AGAP3: variants seen among roughly 807,000 people sequenced by gnomAD.
AGAP3 encodes the protein ArfGAP with GTPase domain, ankyrin repeat and PH domain 3.
A neutral mutation model predicts 96.9 loss-of-function variants in AGAP3; 24 were observed. That is an observed-to-expected ratio of 0.25 (90% CI 0.18 to 0.35). The LOEUF (loss-of-function observed/expected upper bound fraction) is 0.35. AGAP3 is among the 10% of genes least tolerant of loss of function. The probability of loss-of-function intolerance (pLI) is 1.00; values close to 1 mark genes in which losing one functional copy is unlikely to be tolerated. For missense variants in AGAP3, 876 were observed against 1,254.2 expected, an observed-to-expected ratio of 0.70 and a Z score of 4.55; for synonymous variants, 563 against 536.1, an observed-to-expected ratio of 1.05 and a Z score of -0.69.
At chr7:151,137,175 C>T (rs1047642899) in intron 11 of AGAP3, among the ~76,000 whole-genome samples, 2 of 152,252 alleles carry the variant, frequency 1.3e-5, no homozygotes, top group South Asian at 2.1e-4. Flanking sequence ...CCCTCAGTCC[C>T]GCCGCCTGCA....
At position 151,096,023 on chromosome 7, in the gene AGAP3, C is replaced by T. The variant is rs984196835; in HGVS notation, c.331+8951C>T. 6.6e-6 allele frequency among the ~76,000 whole-genome samples: 1 copy of T among 152,202 alleles called. No individual in the cohort carries two copies. The highest frequency in any genetic ancestry group is 1.5e-5 in the Non-Finnish European group (1 of 68,044). On this transcript the variant is annotated intron_variant, in intron 1 of 17. Coordinates refer to ENST00000397238, the MANE Select transcript of AGAP3 (RefSeq NM_031946.7). The surrounding 1 kb of genome is among the most constrained non-coding windows in gnomAD (Gnocchi z 4.4). Reference sequence around the variant, plus strand: ...TGACCTCGGGTGAGTTCCTTAACCCCTCTGTGTCTTAGCTTCGCCATTGGT... The same window carrying T: ...TGACCTCGGGTGAGTTCCTTAACCCTTCTGTGTCTTAGCTTCGCCATTGGT...
Position 151,117,548 on chromosome 7 carries a change from G to A in AGAP3, c.565-88G>A, listed in dbSNP as rs1283941020. The stretch of plus-strand genomic sequence containing the variant: ...GGGACTGGGAGAGGTGGTATGTCCA[G>A]GGAGAAGGGTCTACTTGAGTTCACC... On this transcript the variant is annotated intron_variant, in intron 4 of 17. Coordinates refer to ENST00000397238, the MANE Select transcript of AGAP3 (RefSeq NM_031946.7). 7.4e-6 allele frequency: 12 copies of A among 1,612,328 alleles called. No individual in the cohort carries two copies. In the African/African-American group the frequency reaches 8.0e-5, roughly 11 times the overall value.
chr7:151,122,634 G>A, intron 8 of AGAP3: 3 of 1,504,176 alleles, frequency 2.0e-6, no homozygotes, highest in Non-Finnish European at 2.7e-6. Flanking sequence ...CGCTCCCCAG[G>A]CGCCTGGGTC....
intron 8 of AGAP3, 144 bp downstream of exon 8, chr7:151,120,289 C>A (rs1799815928): frequency 1.1e-6 from 1 of 915,242 alleles, no homozygotes; most frequent in Admixed American, 2.6e-5. Context: ...CACACGGCTC[C>A]CGAGGGTCCT....
At position 151,143,023 on chromosome 7, in the gene AGAP3, G is replaced by A. The variant is rs1353739276; in HGVS notation, c.2274-318G>A. 2.0e-5 allele frequency among the ~76,000 whole-genome samples: 3 copies of A among 152,092 alleles called. No homozygotes were observed. The highest frequency in any genetic ancestry group is 6.5e-5 in the Admixed American group (1 of 15,276). On this transcript the variant is annotated intron_variant, in intron 16 of 17. Coordinates refer to ENST00000397238, the MANE Select transcript of AGAP3 (RefSeq NM_031946.7). The surrounding 1 kb of genome is among the most constrained non-coding windows in gnomAD (Gnocchi z 5.9). ...ACTGCCAATCCAAGAGAGTTCAGAC[G>A]GCCAGATAAGCTGCAACACGGGCCT...
chr7:151,129,221 C>T (rs772924613), intron 10 of AGAP3, among the ~76,000 whole-genome samples: 22 of 152,060 alleles, frequency 1.4e-4, no homozygotes, highest in Non-Finnish European at 2.8e-4. Flanking sequence ...CTTTCCTCCC[C>T]TCCCCTCACC....
rs532257220 is a variant in AGAP3 at position 151,108,562 on chromosome 7, G to A, written c.332-8231G>A. 2.0e-5 allele frequency among the ~76,000 whole-genome samples: 3 copies of A among 152,336 alleles called. No individual in the cohort carries two copies. Among genetic ancestry groups the A allele is most frequent in the African/African-American group, 7.2e-5 (3 of 41,580 alleles). ...TCTGGAGATGGGGCAGAATCCCCGG[G>A]CCTCAGAGCAGCCTTCGGAGGGTCC... On this transcript the variant is annotated intron_variant, in intron 1 of 17. Coordinates refer to ENST00000397238, the MANE Select transcript of AGAP3 (RefSeq NM_031946.7). This position sits in a 1 kb window ranked among gnomAD's most constrained non-coding sequence, Gnocchi z 4.2.
chr7:151,128,766 C>A, intron 10 of AGAP3, 82 bp downstream of exon 10: 1 of 1,215,656 alleles, frequency 8.2e-7, no homozygotes, highest in Non-Finnish European at 1.2e-6. Context: ...AGCAGACAGG[C>A]TCCAGGATGG....
At chr7:151,115,736 G>A in intron 1 of AGAP3, 1 of 791,500 alleles carries the variant, frequency 1.3e-6, no homozygotes, top group African/African-American at 1.9e-5. Flanking sequence ...CGCGCGTCCG[G>A]GGCTGGCGGG....
rs1412753378 is a variant in AGAP3, at chr7:151,087,086, G to C, written c.331+14G>C. ...TCTCCATCGAGGGTGAGCGGAGCCG[G>C]GGGCTGCGGGAGCCGGGGCGCAGTG... On this transcript the variant is annotated intron_variant, in intron 1 of 17. Transcript: ENST00000397238. The C allele has an allele frequency of 4.4e-6, 7 of 1,581,712 alleles. No homozygotes were observed. Among genetic ancestry groups the C allele is most frequent in the Non-Finnish European group, 6.0e-6 (7 of 1,163,914 alleles).
chr7:151,121,545 C>T (rs1799892236), intron 8 of AGAP3, among the ~76,000 whole-genome samples: 1 of 152,114 alleles, frequency 6.6e-6, no homozygotes, highest in Non-Finnish European at 1.5e-5. Context: ...GCACCCCCTG[C>T]CTTTCCCTGC....
chr7:151,099,336 C>T (rs1798744387), intron 1 of AGAP3, among the ~76,000 whole-genome samples: 1 of 94,314 alleles, frequency 1.1e-5, no homozygotes, highest in African/African-American at 3.8e-5. Context: ...GAGTGAGACT[C>T]CATCTCAAAA....
chr7:151,115,639 G>A (rs921741182), intron 1 of AGAP3: 23 of 1,168,180 alleles, frequency 2.0e-5, no homozygotes, highest in African/African-American at 1.6e-4. Flanking sequence ...CGCGCGCCCA[G>A]CGGTAAGGGG....
In AGAP3 at chr7:151,139,108, T is replaced by G. The variant is rs1386421330; in HGVS notation, c.1666+795T>G. Among the ~76,000 whole-genome samples the G allele has an allele frequency of 6.6e-6, 1 of 152,228 alleles. No homozygotes were observed. The highest frequency in any genetic ancestry group is 2.4e-5 in the African/African-American group (1 of 41,458). ...CCTGTCCCTTGCGCTTTCCATGCCC[T>G]TGTCCTGAGTGATGGTGTAATGACA... On this transcript the variant is annotated intron_variant, in intron 12 of 17. Coordinates refer to ENST00000397238, the MANE Select transcript of AGAP3 (RefSeq NM_031946.7). The surrounding 1 kb of genome is among the most constrained non-coding windows in gnomAD (Gnocchi z 4.9).
Position 151,115,477 on chromosome 7 carries a change from G to A in AGAP3, c.332-1316G>A, listed in dbSNP as rs1323492674. On this transcript the variant is annotated intron_variant, in intron 1 of 17. Coordinates refer to ENST00000397238, the MANE Select transcript of AGAP3 (RefSeq NM_031946.7). ...TTCCCCAGCCGCCGCGACCTGCTGGGCTCCGACGCCCCGCGCGCAGCGCCG... is the reference window on the plus strand; with the variant it reads ...TTCCCCAGCCGCCGCGACCTGCTGGACTCCGACGCCCCGCGCGCAGCGCCG... 11 of 1,016,276 alleles carry A rather than the reference G, an allele frequency of 1.1e-5. No individual in the cohort carries two copies. The East Asian group carries it at 2.9e-4, about 26-fold the overall frequency. The allele number at this position is 1,016,276 out of a possible 1,614,324, so 63.0% of individuals were successfully genotyped here. A position where few individuals can be genotyped will look rare whatever the true frequency, so the allele number is the denominator to read the frequency against.
intron 1 of AGAP3, among the ~76,000 whole-genome samples, chr7:151,088,448 T>C (rs1485439753): frequency 6.6e-6 from 1 of 152,242 alleles, no homozygotes; most frequent in Non-Finnish European, 1.5e-5. Context: ...GAGATGGCAT[T>C]TGTGCGAGCC....
chr7:151,139,054 T>C lies in AGAP3; in HGVS notation c.1666+741T>C, dbSNP rs1800720562. Among the ~76,000 whole-genome samples the C allele has an allele frequency of 6.6e-6, 1 of 152,202 alleles. No homozygotes were observed. Among genetic ancestry groups the C allele is most frequent in the Admixed American group, 6.5e-5 (1 of 15,284 alleles). On this transcript the variant is annotated intron_variant, in intron 12 of 17. Transcript: ENST00000397238. The surrounding 1 kb of genome is among the most constrained non-coding windows in gnomAD (Gnocchi z 4.9). Reference sequence around the variant, plus strand: ...ACCACAGATCTGAAGTTCTGAAGGCTCAAAAGGGCATGGAGCCAGCTCTCC... The same window carrying C: ...ACCACAGATCTGAAGTTCTGAAGGCCCAAAAGGGCATGGAGCCAGCTCTCC...
At chr7:151,135,689 G>T (rs1026642505) in intron 11 of AGAP3, among the ~76,000 whole-genome samples, 2 of 152,226 alleles carry the variant, frequency 1.3e-5, no homozygotes, top group East Asian at 1.9e-4. Flanking sequence ...GAAGGCAGGG[G>T]AGTGGCCAGG....
rs531959484 is a variant in AGAP3, at chr7:151,117,292, G to A, written c.479-79G>A. On this transcript the variant is annotated intron_variant, in intron 3 of 17. Transcript: ENST00000397238. ...CCCCCTTCCAGTCCTCTTCCCTCCC[G>A]CATGGGAAGCTGTAGATTTCTTCTT... is the stretch of plus-strand genomic sequence containing the variant. 6.0e-5 allele frequency: 96 copies of A among 1,596,786 alleles called. 1 individual carries two copies. Among genetic ancestry groups the A allele is most frequent in the South Asian group, 3.2e-4 (29 of 90,624 alleles).
Sources: gnomAD v4.1 joint callset for allele counts (sites outside exome capture counted in the v4.1 genomes callset) on GRCh38, gnomAD v4.1.1 for gene constraint, Gnocchi (gnomAD v3.1) non-coding constraint, MANE v1.5 for transcripts, NCBI Gene and HGNC (gene_info 2026-07-23, HGNC 2026-07-21) for gene names.